DYNLT2: variants seen among roughly 807,000 people sequenced by gnomAD.
DYNLT2 encodes the protein dynein light chain Tctex-type protein 2.
A neutral mutation model predicts 24.3 loss-of-function variants in DYNLT2; 24 were observed. That is an observed-to-expected ratio of 0.99 (90% CI 0.71 to 1.39). DYNLT2 has a LOEUF of 1.39. DYNLT2 is among the 40% of genes most tolerant of loss of function. The probability of loss-of-function intolerance (pLI) is 0.00; values close to 1 mark genes in which losing one functional copy is unlikely to be tolerated. For missense variants in DYNLT2, 246 were observed against 234.5 expected, an observed-to-expected ratio of 1.05 and a Z score of -0.32; for synonymous variants, 85 against 85.4, an observed-to-expected ratio of 1.00 and a Z score of 0.03.
the DYNLT2 span, among the ~76,000 whole-genome samples, chr6:169,730,656 A>G: frequency 6.6e-6 from 1 of 152,210 alleles, no homozygotes; most frequent in African/African-American, 2.4e-5. Flanking sequence ...GCACTTTGGG[A>G]GGCCGAGGCG....
chr6:169,738,386 C>T (rs186864076), downstream of DYNLT2, among the ~76,000 whole-genome samples: 7 of 152,356 alleles, frequency 4.6e-5, 1 homozygote, highest in East Asian at 3.9e-4. Context: ...CGAATCTGCG[C>T]GTTCCAGGGT....
At chr6:169,736,406 TGTCATTG>T (rs1262421336), downstream of DYNLT2, among the ~76,000 whole-genome samples, 1 of 152,168 alleles carries the variant, frequency 6.6e-6, no homozygotes, top group Non-Finnish European at 1.5e-5. Context: ...TTCTTCATAG[TGTCATTG>T]GTCTTTATAT....
At chr6:169,731,888 G>C in the DYNLT2 span, among the ~76,000 whole-genome samples, 1 of 152,128 alleles carries the variant, frequency 6.6e-6, no homozygotes, top group African/African-American at 2.4e-5. Flanking sequence ...GTGTGCATAA[G>C]TGCTTGATTA....
In DYNLT2 at chr6:169,751,399, A is replaced by AGGGGTCTGGTTC. The variant is rs775746939; in HGVS notation, c.48_59dup (p.Asn17_Pro20dup). The AGGGGTCTGGTTC allele has an allele frequency of 2.5e-6, 4 of 1,613,972 alleles. No individual in the cohort carries two copies. Among genetic ancestry groups the AGGGGTCTGGTTC allele is most frequent in the Non-Finnish European group, 3.4e-6 (4 of 1,179,974 alleles). The stretch of plus-strand genomic sequence containing the variant: ...TCCTAGGCGTCACCGGAGCCTGCTG[A>AGGGGTCTGGTTC]GGGGTCTGGTTCGGGGTCTGGATGG... On this transcript the variant is annotated inframe_insertion, in exon 1 of 4. Transcript: ENST00000366774.
At chr6:169,736,681 G>C (rs4716387), downstream of DYNLT2, among the ~76,000 whole-genome samples, 28,531 of 152,062 alleles carry the variant, frequency 0.19, 3,413 homozygotes, top group African/African-American at 0.32. Context: ...GTGAGATGTC[G>C]GCTGTTAGTC....
chr6:169,742,968 G>A (rs1789711679), intron 3 of DYNLT2, 112 bp downstream of exon 3: 2 of 821,368 alleles, frequency 2.4e-6, no homozygotes, highest in Non-Finnish European at 3.5e-6. Context: ...CCTTCAAAAA[G>A]TACCTCAGAA....
At chr6:169,743,691 A>G (rs746245338) in intron 2 of DYNLT2, among the ~76,000 whole-genome samples, 1 of 152,192 alleles carries the variant, frequency 6.6e-6, no homozygotes, top group African/African-American at 2.4e-5. Flanking sequence ...GTGGGCTCAT[A>G]TTAAAACTAC....
the DYNLT2 span, among the ~76,000 whole-genome samples, chr6:169,726,431 T>G: frequency 6.6e-6 from 1 of 152,090 alleles, no homozygotes; most frequent in Non-Finnish European, 1.5e-5. Flanking sequence ...GCAATGGAAG[T>G]AGAAATTGGG....
chr6:169,731,053 T>G, the DYNLT2 span, among the ~76,000 whole-genome samples: 1 of 152,120 alleles, frequency 6.6e-6, no homozygotes, highest in Non-Finnish European at 1.5e-5. Context: ...AGAGGTTTTC[T>G]TGGTACAGGT....
chr6:169,725,618 G>C, the DYNLT2 span: 2 of 305,616 alleles, frequency 6.5e-6, no homozygotes, highest in Non-Finnish European at 1.2e-5. Context: ...TCACTGATCA[G>C]GGTAGAGTTT....
chr6:169,734,302 C>G, the DYNLT2 span, among the ~76,000 whole-genome samples: 2 of 152,162 alleles, frequency 1.3e-5, no homozygotes, highest in African/African-American at 2.4e-5. Context: ...TTGCCCTGGC[C>G]AGAACTTCCA....
the DYNLT2 span, chr6:169,725,640 T>C: frequency 4.1e-6 from 1 of 245,066 alleles, no homozygotes; most frequent in East Asian, 7.6e-5. Flanking sequence ...GCGGTTTTTT[T>C]TTTAAGAAAA....
chr6:169,740,600 C>G (rs528798988), intron 3 of DYNLT2, among the ~76,000 whole-genome samples: 1 of 152,274 alleles, frequency 6.6e-6, no homozygotes, highest in South Asian at 2.1e-4. Context: ...CAGTATGACT[C>G]TGCCATGTAG....
intron 1 of DYNLT2, among the ~76,000 whole-genome samples, chr6:169,746,696 T>C (rs1240802052): frequency 6.6e-6 from 1 of 152,062 alleles, no homozygotes; most frequent in African/African-American, 2.4e-5. Flanking sequence ...CTAATTTTTT[T>C]CCTGATAGCC....
At chr6:169,738,763 G>C (rs541655969), downstream of DYNLT2, 90 of 152,510 alleles carry the variant, frequency 5.9e-4, no homozygotes, top group African/African-American at 1.8e-3. Context: ...TGGCTGGGAG[G>C]CCTCAGGAAA....
intron 3 of DYNLT2, among the ~76,000 whole-genome samples, chr6:169,742,411 G>T (rs1223288671): frequency 6.6e-6 from 1 of 152,158 alleles, no homozygotes; most frequent in Non-Finnish European, 1.5e-5. Context: ...CTTAAGTAGA[G>T]TAAAATCTCC....
intron 1 of DYNLT2, among the ~76,000 whole-genome samples, chr6:169,745,683 C>T (rs1377954131): frequency 1.3e-5 from 2 of 152,070 alleles, no homozygotes; most frequent in African/African-American, 4.8e-5. Context: ...GCTAGTATTT[C>T]GTTTAGAATT....
chr6:169,731,572 C>G, the DYNLT2 span, among the ~76,000 whole-genome samples: 1 of 152,270 alleles, frequency 6.6e-6, no homozygotes, highest in Non-Finnish European at 1.5e-5. Context: ...GGGGACTTGT[C>G]TGTTTTTTTC....
Position 169,751,388 on chromosome 6 carries a change from G to C in DYNLT2, c.71C>G (p.Pro24Arg). Residue 24 changes from proline to arginine, a missense_variant, in exon 1 of 4, where the codon CCG becomes CGG. Transcript: ENST00000366774. ...QTPNQTPQQA[P>R]VTPRKERRPS... ...CCTCCTTTCTTTCCTAGGCGTCACCGGAGCCTGCTGAGGGGTCTGGTTCGG... is the reference window on the plus strand; with the variant it reads ...CCTCCTTTCTTTCCTAGGCGTCACCCGAGCCTGCTGAGGGGTCTGGTTCGG... 1 of 1,614,134 alleles carries C rather than the reference G, an allele frequency of 6.2e-7. No individual in the cohort carries two copies. Among genetic ancestry groups the C allele is most frequent in the Non-Finnish European group, 8.5e-7 (1 of 1,180,028 alleles).
Sources: gnomAD v4.1 joint callset for allele counts (sites outside exome capture counted in the v4.1 genomes callset) on GRCh38, gnomAD v4.1.1 for gene constraint, MANE v1.5 for transcripts, NCBI Gene and HGNC (gene_info 2026-07-23, HGNC 2026-07-21) for gene names.